Variants in ARMC9 observed in about 807,000 individuals in gnomAD.
ARMC9 encodes the protein armadillo repeat containing 9.
Under a neutral mutation model 107.0 loss-of-function variants are expected in ARMC9, and 94 were observed. That is an observed-to-expected ratio of 0.88 (90% CI 0.74 to 1.04). ARMC9 has a LOEUF of 1.04. ARMC9 is among the 50% of genes least tolerant of loss of function. The pLI is 0.00. For missense variants in ARMC9, 942 were observed against 1,030.1 expected (o/e 0.91, Z 1.17); for synonymous variants, 380 against 396.9 (o/e 0.96, Z 0.51).
rs556582278 is a variant in ARMC9 at position 231,240,681 on chromosome 2, A to G, written c.879+640A>G. On this transcript the variant is annotated intron_variant, in intron 9 of 24. Coordinates refer to ENST00000611582, the MANE Select transcript of ARMC9 (RefSeq NM_001352754.2). ...TACAGTTACCAACTTCAGTAAATTT[A>G]ACATTGATACAGCCTTCTTATCTAC... Among the ~76,000 whole-genome samples the G allele has an allele frequency of 3.9e-4, 59 of 152,326 alleles. No homozygotes were observed. The South Asian group carries it at 0.012, about 30-fold the overall frequency.
At chr2:231,353,525 A>T (rs2045194374) in intron 21 of ARMC9, among the ~76,000 whole-genome samples, 1 of 141,524 alleles carries the variant, frequency 7.1e-6, no homozygotes, top group South Asian at 2.1e-4. Context: ...CACACCAGGA[A>T]GGCCAGGGAA....
chr2:231,231,694 A>AT (rs56732024), intron 7 of ARMC9, among the ~76,000 whole-genome samples: 40,100 of 144,444 alleles, frequency 0.28, 5,493 homozygotes, highest in African/African-American at 0.32. Context: ...TGAAAAAAAA[A>AT]TTTTTTTTTT....
intron 19 of ARMC9, among the ~76,000 whole-genome samples, chr2:231,324,358 C>G (rs2043189364): frequency 6.6e-6 from 1 of 150,944 alleles, no homozygotes; most frequent in Non-Finnish European, 1.5e-5. Flanking sequence ...GAACGCCTGA[C>G]CTCGTAATCC....
chr2:231,259,168 C>G (rs2038110276), intron 11 of ARMC9, 66 bp downstream of exon 11: 10 of 1,344,866 alleles, frequency 7.4e-6, no homozygotes, highest in Non-Finnish European at 1.0e-5. Context: ...TGGCTGGCTA[C>G]CTTGCTTATA....
At chr2:231,257,478 C>A (rs1253763480) in intron 10 of ARMC9, among the ~76,000 whole-genome samples, 1 of 152,118 alleles carries the variant, frequency 6.6e-6, no homozygotes, top group East Asian at 1.9e-4. Context: ...CTGTGTGATT[C>A]CTCACACACC....
At chr2:231,223,860 T>C (rs1360037267) in intron 6 of ARMC9, among the ~76,000 whole-genome samples, 1 of 152,236 alleles carries the variant, frequency 6.6e-6, no homozygotes, top group East Asian at 1.9e-4. Context: ...CATACCACGA[T>C]GTTTGCATAT....
rs2033549235 is a variant in ARMC9, at chr2:231,216,764, G to A, written c.475G>A (p.Val159Met). The A allele has an allele frequency of 8.1e-6, 13 of 1,613,634 alleles. No homozygotes were observed. The highest frequency in any genetic ancestry group is 1.1e-5 in the Non-Finnish European group (13 of 1,179,876). The change falls in exon 5 of 25, where the codon GTG becomes ATG. Residue 159 changes from valine (V) to methionine (M), a missense_variant. Transcript: ENST00000611582. ...CCTTCCTTTTGTTCCCAACCCTATG[G>A]TGCACCCCTCATTTAAAGAACTCTT... ...YALPFVPNPM[V>M]HPSFKELFQD... is the part of the protein sequence containing the mutation.
intron 23 of ARMC9, among the ~76,000 whole-genome samples, chr2:231,367,648 A>G (rs1229403329): frequency 6.6e-6 from 1 of 152,202 alleles, no homozygotes; most frequent in Non-Finnish European, 1.5e-5. Flanking sequence ...CTTAAAAATG[A>G]TAAAGATGGT....
At chr2:231,251,575 A>G (rs1474113781) in intron 9 of ARMC9, among the ~76,000 whole-genome samples, 2 of 152,140 alleles carry the variant, frequency 1.3e-5, no homozygotes, top group East Asian at 1.9e-4. Flanking sequence ...TCGGTCATTT[A>G]TCCTCCTCAT....
chr2:231,301,113 GTATT>G (rs1437499127), intron 19 of ARMC9, among the ~76,000 whole-genome samples: 2 of 152,180 alleles, frequency 1.3e-5, no homozygotes, highest in African/African-American at 4.8e-5. Flanking sequence ...ACTTTTGTCA[GTATT>G]TGTTTTTCAA....
At chr2:231,204,215 GT>G (rs2031598883) in intron 1 of ARMC9, among the ~76,000 whole-genome samples, 1 of 147,456 alleles carries the variant, frequency 6.8e-6, no homozygotes, top group Non-Finnish European at 1.5e-5. Flanking sequence ...AGTGGTGTCA[GT>G]CCCCTCCTCC....
chr2:231,332,688 A>G (rs1033101535), intron 20 of ARMC9, among the ~76,000 whole-genome samples: 5 of 152,158 alleles, frequency 3.3e-5, no homozygotes, highest in Non-Finnish European at 7.4e-5. Context: ...GCCCGCAGAT[A>G]TCTCAGAGAG....
intron 15 of ARMC9, 37 bp downstream of exon 15, chr2:231,276,812 G>A (rs779219310): frequency 3.1e-6 from 5 of 1,609,540 alleles, no homozygotes; most frequent in Non-Finnish European, 4.2e-6. Context: ...GCAAGAAGGG[G>A]AAGAGATCTT....
At chr2:231,280,840 A>G (rs1236306839) in intron 16 of ARMC9, among the ~76,000 whole-genome samples, 4 of 152,230 alleles carry the variant, frequency 2.6e-5, no homozygotes, top group Admixed American at 6.5e-5. Context: ...CAGTTCACAG[A>G]ATCGTGCTGC....
At chr2:231,276,540 G>C (rs1292834807) in intron 14 of ARMC9, 96 bp from the exon 15 acceptor site, 15 of 1,537,954 alleles carry the variant, frequency 9.8e-6, no homozygotes, top group Non-Finnish European at 1.3e-5. Context: ...AAAGTGCTGG[G>C]ATTACAGGCA....
chr2:231,328,609 T>C (rs1276247864), intron 19 of ARMC9, among the ~76,000 whole-genome samples: 1 of 152,034 alleles, frequency 6.6e-6, no homozygotes, highest in African/African-American at 2.4e-5. Flanking sequence ...GAATTTCTTT[T>C]GTACCTTAGT....
At chr2:231,212,951 C>G (rs2033070009) in intron 3 of ARMC9, among the ~76,000 whole-genome samples, 1 of 152,134 alleles carries the variant, frequency 6.6e-6, no homozygotes, top group Non-Finnish European at 1.5e-5. Context: ...AGAGACAGTT[C>G]TTGATTACAT....
chr2:231,343,133 G>A (rs1424194049), intron 20 of ARMC9, among the ~76,000 whole-genome samples: 1 of 151,654 alleles, frequency 6.6e-6, no homozygotes, highest in Non-Finnish European at 1.5e-5. Context: ...GGCTGGTCTC[G>A]AACTCCCAAC....
At chr2:231,322,715 T>C (rs2043066043) in intron 19 of ARMC9, among the ~76,000 whole-genome samples, 1 of 152,178 alleles carries the variant, frequency 6.6e-6, no homozygotes, top group Non-Finnish European at 1.5e-5. Flanking sequence ...TTATGAGGCA[T>C]TCTTAATTTC....
Sources: allele counts gnomAD v4.1 joint callset (sites outside exome capture counted in the v4.1 genomes callset), GRCh38; gene constraint gnomAD v4.1.1; transcripts MANE v1.5; gene names NCBI Gene and HGNC (gene_info 2026-07-23, HGNC 2026-07-21).